FSIP2: variants seen among roughly 807,000 people sequenced by gnomAD.
The protein encoded by FSIP2 is fibrous sheath-interacting protein 2.
FSIP2 carries 367 observed loss-of-function variants against 510.5 expected under a neutral mutation model. That is an observed-to-expected ratio of 0.72 (90% CI 0.66 to 0.78). The LOEUF is 0.78. Ranked by LOEUF, FSIP2 falls within the 30% of genes least tolerant of loss-of-function variation. The pLI is 0.00. For missense variants in FSIP2, 7,594 were observed against 7,901.7 expected (o/e 0.96, Z 1.48); for synonymous variants, 2,601 against 2,732.2 (o/e 0.95, Z 1.50).
chr2:185,765,676 T>C (rs12693416), intron 13 of FSIP2: 16,889 of 151,932 alleles, frequency 0.11, 984 homozygotes, highest in Middle Eastern at 0.14. Context: ...TCCAATTCTG[T>C]GAAGAAAGTC....
intron 7 of FSIP2, among the ~76,000 whole-genome samples, chr2:185,751,797 G>A (rs1692154095): frequency 2.0e-5 from 3 of 151,126 alleles, no homozygotes; most frequent in African/African-American, 4.8e-5. Flanking sequence ...CTCTTAAAGT[G>A]TTATTATACT....
At chr2:185,823,665 GT>G (rs1693965545) in intron 19 of FSIP2, among the ~76,000 whole-genome samples, 1 of 151,700 alleles carries the variant, frequency 6.6e-6, no homozygotes, top group Non-Finnish European at 1.5e-5. Flanking sequence ...TGCAGACATT[GT>G]GGAAAACAGT....
Position 185,802,975 on chromosome 2 carries a change from T to G in FSIP2, c.13669T>G (p.Ser4557Ala), listed in dbSNP as rs2105642924. 1.3e-6 allele frequency: 2 copies of G among 1,530,684 alleles called. No individual in the cohort carries two copies. Among genetic ancestry groups the G allele is most frequent in the East Asian group, 4.9e-5 (2 of 40,804 alleles). 94.8% of individuals were successfully genotyped at this position (1,530,684 alleles called of 1,614,324 possible). The change falls in exon 17 of 23, where the codon TCT (serine) becomes GCT (alanine). Residue 4557 changes from serine to alanine, a missense_variant. By Grantham distance (99) the Ser-to-Ala change is moderately conservative. Transcript: ENST00000424728. The stretch of plus-strand genomic sequence containing the variant: ...TGCAAATGTTGTGCAAACCTCTGGT[T>G]CTCAAGAATCAGCTGTGCAAAATAT... ...VFANVVQTSGSQESAVQNITS... is the reference protein window; with the variant it reads ...VFANVVQTSGAQESAVQNITS...
intron 14 of FSIP2, chr2:185,783,641 G>C (rs1252651813): frequency 1.3e-5 from 2 of 152,122 alleles, no homozygotes; most frequent in Non-Finnish European, 2.9e-5. Flanking sequence ...AGATGCAGAA[G>C]GAAGGAAACT....
At position 185,808,804 on chromosome 2, in the gene FSIP2, A is replaced by G. The variant is rs201482364; in HGVS notation, c.19498A>G (p.Ile6500Val). 4,481 of 1,612,876 alleles carry G rather than the reference A, an allele frequency of 2.8e-3. 5 individuals carry two copies. Among genetic ancestry groups the G allele is most frequent in the Non-Finnish European group, 3.4e-3 (4,068 of 1,179,444 alleles). Residue 6500 changes from isoleucine (I) to valine (V), a missense_variant, in exon 17 of 23, where the codon ATT becomes GTT. Transcript: ENST00000424728. Reference sequence around the variant, plus strand: ...GGCCCAAGAACATGCTTTTAATGTGATTCCTGAATTAGAGCAAGAAAAGTT... The same window carrying G: ...GGCCCAAGAACATGCTTTTAATGTGGTTCCTGAATTAGAGCAAGAAAAGTT... ...QKAQEHAFNV[I>V]PELEQEKLDQ...
In FSIP2 at chr2:185,808,997, A is replaced by G. The variant is rs747020492; in HGVS notation, c.19691A>G (p.His6564Arg). ...LKQECLKRTG[H>R]SIAELRRASI... is the part of the protein sequence containing the mutation. ...CAGGAGTGTTTGAAAAGAACTGGAC[A>G]TAGCATAGCAGAACTGAGAAGAGCA... The change falls in exon 17 of 23, where the codon CAT becomes CGT. Residue 6564 changes from histidine to arginine, a missense_variant. Physicochemically the swap from His to Arg is conservative, Grantham distance 29 (BLOSUM62 0). Coordinates refer to ENST00000424728, the MANE Select transcript of FSIP2 (RefSeq NM_173651.4). 124 of 1,612,864 alleles carry G rather than the reference A, an allele frequency of 7.7e-5. No individual in the cohort carries two copies. Among genetic ancestry groups the G allele is most frequent in the Non-Finnish European group, 9.1e-5 (107 of 1,179,522 alleles).
intron 19 of FSIP2, among the ~76,000 whole-genome samples, chr2:185,823,311 A>T (rs891266155): frequency 1.3e-5 from 2 of 151,892 alleles, no homozygotes; most frequent in African/African-American, 4.8e-5. Context: ...CAAATTATAC[A>T]TCTAGTAAAT....
In FSIP2 at chr2:185,747,382, G is replaced by C. The variant is rs1692054626; in HGVS notation, c.829G>C (p.Glu277Gln). 6.5e-7 allele frequency: 1 copy of C among 1,531,934 alleles called. No homozygotes were observed. The highest frequency in any genetic ancestry group is 2.0e-5 in the Admixed American group (1 of 50,930). The allele number at this position is 1,531,934 out of a possible 1,614,324, so 94.9% of individuals were successfully genotyped here. Reference sequence around the variant, plus strand: ...AGATGTTAAAAGAGAAGAGAGGATAGAAGAACAACAGCATAGAAACAGAGA... The same window carrying C: ...AGATGTTAAAAGAGAAGAGAGGATACAAGAACAACAGCATAGAAACAGAGA... ...AEDVKREERI[E>Q]EQQHRNREES... The change falls in exon 7 of 23, where the codon GAA becomes CAA. Residue 277 changes from glutamate (E) to glutamine (Q), a missense_variant. Coordinates refer to ENST00000424728, the MANE Select transcript of FSIP2 (RefSeq NM_173651.4).
At position 185,814,043 on chromosome 2, in the gene FSIP2, G is replaced by C. The variant is rs1245460417; in HGVS notation, c.20325+1G>C. On this transcript the variant is annotated splice_donor_variant, in intron 18 of 22. Coordinates refer to ENST00000424728, the MANE Select transcript of FSIP2 (RefSeq NM_173651.4). LOFTEE classifies it high-confidence loss of function. The stretch of plus-strand genomic sequence containing the variant: ...TTGGGAGGAAAAGCCCCAGTGTAAG[G>C]TAAGTGATAAGCATGACTGTTAGTG... The C allele has an allele frequency of 6.2e-7, 1 of 1,608,238 alleles. No homozygotes were observed. The highest frequency in any genetic ancestry group is 8.5e-7 in the Non-Finnish European group (1 of 1,177,238).
At chr2:185,745,675 T>A in intron 5 of FSIP2, 107 bp downstream of exon 5, 1 of 944,644 alleles carries the variant, frequency 1.1e-6, no homozygotes, top group Non-Finnish European at 1.5e-6. Flanking sequence ...ACCATTCTCC[T>A]GGATCCCTCA....
intron 13 of FSIP2, among the ~76,000 whole-genome samples, chr2:185,780,027 C>T (rs1392418998): frequency 6.7e-6 from 1 of 148,938 alleles, no homozygotes; most frequent in African/African-American, 2.5e-5. Flanking sequence ...GAGCCGAGAG[C>T]GTGCCACTGC....
In FSIP2 at chr2:185,803,770, TTAAG is replaced by T; in HGVS notation, c.14468_14471del (p.Ser4823IlefsTer3). 1 of 1,530,540 alleles carries T rather than the reference TTAAG, an allele frequency of 6.5e-7. No homozygotes were observed. Among genetic ancestry groups the T allele is most frequent in the South Asian group, 1.2e-5 (1 of 83,474 alleles). The allele number at this position is 1,530,540 out of a possible 1,614,324, so 94.8% of individuals were successfully genotyped here. On this transcript the variant is annotated frameshift_variant, in exon 17 of 23. Transcript: ENST00000424728. LOFTEE classifies it high-confidence loss of function. ...GCAGTCAGATACTACTAAATCAGACTTAAGTAATACAGTGATAAAACTGATAAAT... is the reference window on the plus strand; with the variant it reads ...GCAGTCAGATACTACTAAATCAGACTTAATACAGTGATAAAACTGATAAAT...
chr2:185,795,350 T>A lies in FSIP2; in HGVS notation c.8214T>A (p.Tyr2738Ter), dbSNP rs989611036. 6.5e-7 allele frequency: 1 copy of A among 1,534,808 alleles called. No individual in the cohort carries two copies. The highest frequency in any genetic ancestry group is 8.7e-7 in the Non-Finnish European group (1 of 1,146,158). ...TGCCCACTTCAGAACTAAAAATATA[T>A]GCCAAGGATATAATAATTAACATCC... ...TKLPTSELKI[Y>*]AKDIIINILE... The change falls in exon 16 of 23, where the codon TAT becomes TAA. Residue 2738 changes from tyrosine (Y) to a stop codon, truncating the protein, a stop_gained. Transcript: ENST00000424728. LOFTEE classifies it high-confidence loss of function.
chr2:185,754,723 C>T (rs919636958), intron 8 of FSIP2, among the ~76,000 whole-genome samples: 18 of 151,490 alleles, frequency 1.2e-4, no homozygotes, highest in African/African-American at 4.4e-4. Context: ...TTATTTTACA[C>T]TACATCCTTG....
At position 185,804,696 on chromosome 2, in the gene FSIP2, C is replaced by T; in HGVS notation, c.15390C>T (p.Phe5130=). The T allele has an allele frequency of 2.0e-6, 3 of 1,530,826 alleles. No homozygotes were observed. The highest frequency in any genetic ancestry group is 2.8e-5 in the African/African-American group (2 of 72,654). 94.8% of individuals were successfully genotyped at this position (1,530,826 alleles called of 1,614,324 possible). ...TTTACAGGCTTCTAGGGCATGTCTT[C>T]CCTTCAACTCACACTGAAAATGAAC... The part of the protein sequence containing the change: ...DMVYRLLGHV[F]PSTHTENELK... The change falls in exon 17 of 23, where the codon TTC becomes TTT. Residue 5130 remains phenylalanine (F), a synonymous_variant. Transcript: ENST00000424728.
rs1274567487 is a variant in FSIP2, at chr2:185,807,578, A to T, written c.18272A>T (p.Asn6091Ile). The stretch of plus-strand genomic sequence containing the variant: ...TTAGTGGTTCAGTCTGTTTATAATA[A>T]TCTCTTGCCACAGTTTGGATCACAA... Reference protein sequence around the residue: ...IQLVVQSVYNNLLPQFGSQEI... With the variant: ...IQLVVQSVYNILLPQFGSQEI... Residue 6091 changes from asparagine to isoleucine, a missense_variant, in exon 17 of 23, where the codon AAT (asparagine) becomes ATT (isoleucine). Coordinates refer to ENST00000424728, the MANE Select transcript of FSIP2 (RefSeq NM_173651.4). The T allele has an allele frequency of 4.3e-6, 7 of 1,612,392 alleles. No individual in the cohort carries two copies. In the South Asian group the frequency reaches 7.7e-5, roughly 18 times the overall value.
chr2:185,800,181 T>G lies in FSIP2; in HGVS notation c.10875T>G (p.Phe3625Leu). The change falls in exon 17 of 23, where the codon TTT (phenylalanine) becomes TTG (leucine). Residue 3625 changes from phenylalanine (F) to leucine (L), a missense_variant. By Grantham distance (22) the Phe-to-Leu change is conservative (BLOSUM62 0). Coordinates refer to ENST00000424728, the MANE Select transcript of FSIP2 (RefSeq NM_173651.4). ...LSKEIEVDYH[F>L]ESNVRNKSFS... ...AAGAAATAGAAGTAGATTATCACTT[T>G]GAAAGCAATGTAAGAAACAAATCAT... 1 of 1,532,774 alleles carries G rather than the reference T, an allele frequency of 6.5e-7. No individual in the cohort carries two copies. The highest frequency in any genetic ancestry group is 2.0e-5 in the Admixed American group (1 of 50,660). 94.9% of individuals were successfully genotyped at this position (1,532,774 alleles called of 1,614,324 possible).
chr2:185,773,730 T>C (rs1055044278), intron 13 of FSIP2, among the ~76,000 whole-genome samples: 3 of 152,218 alleles, frequency 2.0e-5, no homozygotes, highest in South Asian at 2.1e-4. Context: ...TTCCTGTTAA[T>C]TGTGTCATCT....
chr2:185,787,543 C>G (rs1693017583), intron 15 of FSIP2, among the ~76,000 whole-genome samples: 1 of 151,782 alleles, frequency 6.6e-6, no homozygotes, highest in African/African-American at 2.4e-5. Flanking sequence ...CTGCCAATTA[C>G]TTGTGTTTAC....
Sources: gnomAD v4.1 joint callset for allele counts (sites outside exome capture counted in the v4.1 genomes callset) on GRCh38, gnomAD v4.1.1 for gene constraint, MANE v1.5 for transcripts, NCBI Gene and HGNC (gene_info 2026-07-23, HGNC 2026-07-21) for gene names.